INVS: variants seen among roughly 807,000 people sequenced by gnomAD.
INVS encodes inversin, also known as inversion of embryo turning homolog.
A neutral mutation model predicts 108.8 loss-of-function variants in INVS; 86 were observed. The ratio of observed to expected loss-of-function variants is 0.79; its 90% confidence interval spans 0.66 to 0.95. The LOEUF is 0.95. Ranked by LOEUF, INVS falls within the 40% of genes least tolerant of loss-of-function variation. INVS has a pLI of 0.00. For synonymous variants in INVS, 455 were observed against 473.5 expected (o/e 0.96, Z 0.51); for missense variants, 1,169 against 1,297.4 (o/e 0.90, Z 1.52).
chr9:100,202,091 A>C (rs570151626), intron 3 of INVS, among the ~76,000 whole-genome samples: 1 of 111,200 alleles, frequency 9.0e-6, no homozygotes, highest in South Asian at 2.3e-4. Context: ...TTATTACAAT[A>C]GTTTTTTTTT....
At chr9:100,260,695 C>T (rs1291024781) in intron 10 of INVS, among the ~76,000 whole-genome samples, 1 of 151,894 alleles carries the variant, frequency 6.6e-6, no homozygotes, top group Non-Finnish European at 1.5e-5. Context: ...AATTGAAGCT[C>T]ATGTAGTTTA....
chr9:100,178,653 A>G (rs1829788617), intron 3 of INVS, among the ~76,000 whole-genome samples: 1 of 152,228 alleles, frequency 6.6e-6, no homozygotes, highest in Non-Finnish European at 1.5e-5. Flanking sequence ...AAAAGACCAA[A>G]TCTATGTTTG....
At chr9:100,181,654 T>C (rs1400098817) in intron 3 of INVS, among the ~76,000 whole-genome samples, 1 of 152,152 alleles carries the variant, frequency 6.6e-6, no homozygotes, top group African/African-American at 2.4e-5. Flanking sequence ...TACTCATAGA[T>C]AGGAAGAATC....
At chr9:100,100,245 AAG>A (rs1301031556) in intron 1 of INVS, among the ~76,000 whole-genome samples, 8 of 151,886 alleles carry the variant, frequency 5.3e-5, no homozygotes, top group African/African-American at 1.9e-4. Flanking sequence ...AAGAAAAAAA[AAG>A]AGCCCTGCAT....
At chr9:100,148,616 ATAT>A (rs1444837891) in intron 3 of INVS, among the ~76,000 whole-genome samples, 1 of 152,230 alleles carries the variant, frequency 6.6e-6, no homozygotes, top group Non-Finnish European at 1.5e-5. Flanking sequence ...CATAAGTAAA[ATAT>A]TAGCACAGGA....
At chr9:100,287,998 A>G (rs1474001208) in intron 13 of INVS, among the ~76,000 whole-genome samples, 1 of 152,082 alleles carries the variant, frequency 6.6e-6, no homozygotes, top group Admixed American at 6.6e-5. Context: ...CACCCCCCAC[A>G]CCCAACAAAC....
In INVS at chr9:100,301,371, A is replaced by G. The variant is rs1833965603; in HGVS notation, c.*697A>G. Among the ~76,000 whole-genome samples, 1 of 152,182 alleles carries G rather than the reference A, an allele frequency of 6.6e-6. No individual in the cohort carries two copies. The highest frequency in any genetic ancestry group is 2.1e-4 in the South Asian group (1 of 4,826). ...CACGTCTTCACTGAATGGCTTTCTCAGTGCTGAATACCAACAGCCGTATTA... is the reference window on the plus strand; with the variant it reads ...CACGTCTTCACTGAATGGCTTTCTCGGTGCTGAATACCAACAGCCGTATTA... On this transcript the variant is annotated 3_prime_UTR_variant, in exon 17 of 17. Coordinates refer to ENST00000262457, the MANE Select transcript of INVS (RefSeq NM_014425.5).
intron 3 of INVS, among the ~76,000 whole-genome samples, chr9:100,129,128 T>G (rs1172671917): frequency 6.6e-6 from 1 of 151,414 alleles, no homozygotes; most frequent in Non-Finnish European, 1.5e-5. Flanking sequence ...CAGACCAGCC[T>G]GAACAACAAA....
chr9:100,276,063 AATT>A (rs1833104406), intron 12 of INVS, among the ~76,000 whole-genome samples: 3 of 152,076 alleles, frequency 2.0e-5, no homozygotes, highest in Admixed American at 2.0e-4. Flanking sequence ...ACATCTTTTA[AATT>A]ATTCCATCTC....
intron 5 of INVS, among the ~76,000 whole-genome samples, chr9:100,232,870 GT>G (rs1416077554): frequency 6.6e-6 from 1 of 152,026 alleles, no homozygotes; most frequent in Non-Finnish European, 1.5e-5. Context: ...ATTTAAAGTA[GT>G]TTTTTTCTAA....
In INVS at chr9:100,114,875, G is replaced by A. The variant is rs543221470; in HGVS notation, c.106+10248G>A. 2.6e-5 allele frequency among the ~76,000 whole-genome samples: 4 copies of A among 152,254 alleles called. No individual in the cohort carries two copies. The South Asian group carries it at 8.3e-4, about 32-fold the overall frequency. ...ACAATTGGGATGTTTCCAGTGTTTAGCAATTATGAATAATGCTGCCGTAAA... is the reference window on the plus strand; with the variant it reads ...ACAATTGGGATGTTTCCAGTGTTTAACAATTATGAATAATGCTGCCGTAAA... On this transcript the variant is annotated intron_variant, in intron 2 of 16. Transcript: ENST00000262457.
intron 3 of INVS, among the ~76,000 whole-genome samples, chr9:100,135,877 A>C (rs1337025746): frequency 2.0e-5 from 3 of 152,050 alleles, no homozygotes; most frequent in African/African-American, 7.2e-5. Context: ...GAAATAGAAA[A>C]CACCAATATT....
intron 2 of INVS, among the ~76,000 whole-genome samples, chr9:100,124,357 A>G (rs979771432): frequency 6.6e-6 from 1 of 152,012 alleles, no homozygotes; most frequent in African/African-American, 2.4e-5. Flanking sequence ...AATCACCTCT[A>G]CATAAACTGA....
At position 100,284,568 on chromosome 9, in the gene INVS, C is replaced by A. The variant is rs1833378291; in HGVS notation, c.2033C>A (p.Ser678Ter). 6.2e-7 allele frequency: 1 copy of A among 1,613,646 alleles called. No individual in the cohort carries two copies. The highest frequency in any genetic ancestry group is 1.1e-5 in the South Asian group (1 of 91,036). Residue 678 changes from serine (S) to a stop codon, truncating the protein, a stop_gained, in exon 13 of 17, where the codon TCA becomes TAA. Coordinates refer to ENST00000262457, the MANE Select transcript of INVS (RefSeq NM_014425.5). LOFTEE classifies it high-confidence loss of function. Reference protein sequence around the residue: ...GALQKEQHVSSDLQGTNSRRP... With the variant: ...GALQKEQHVS ...CTCCAGAAGGAGCAGCATGTTTCCTCAGATTTGCAGGGAACAAACTCCAGA... is the reference window on the plus strand; with the variant it reads ...CTCCAGAAGGAGCAGCATGTTTCCTAAGATTTGCAGGGAACAAACTCCAGA...
chr9:100,112,794 G>A (rs775778029), intron 2 of INVS, among the ~76,000 whole-genome samples: 3 of 152,140 alleles, frequency 2.0e-5, no homozygotes, highest in Admixed American at 6.5e-5. Flanking sequence ...GGATAAGCTC[G>A]AGTTAGGATT....
intron 8 of INVS, among the ~76,000 whole-genome samples, chr9:100,247,215 T>C (rs930810401): frequency 6.6e-6 from 1 of 152,240 alleles, no homozygotes; most frequent in Non-Finnish European, 1.5e-5. Flanking sequence ...TTTACTGTGC[T>C]CTTTTCTCAG....
intron 4 of INVS, among the ~76,000 whole-genome samples, chr9:100,226,835 ATCAG>A (rs1414843223): frequency 6.8e-6 from 1 of 147,266 alleles, no homozygotes; most frequent in African/African-American, 2.6e-5. Flanking sequence ...AAAAAAAAAA[ATCAG>A]TCCTGTCTTA....
intron 3 of INVS, among the ~76,000 whole-genome samples, chr9:100,220,121 C>T (rs1831100055): frequency 6.6e-6 from 1 of 151,982 alleles, no homozygotes; most frequent in African/African-American, 2.4e-5. Flanking sequence ...CATTAAATAG[C>T]TATGTGCTTT....
At chr9:100,169,581 T>C (rs923565144) in intron 3 of INVS, among the ~76,000 whole-genome samples, 9 of 152,226 alleles carry the variant, frequency 5.9e-5, no homozygotes, top group South Asian at 2.1e-4. Context: ...CCATTCTCTA[T>C]GTACAAATTA....
Sources: gnomAD v4.1 joint callset for allele counts (sites outside exome capture counted in the v4.1 genomes callset) on GRCh38, gnomAD v4.1.1 for gene constraint, MANE v1.5 for transcripts, NCBI Gene and HGNC (gene_info 2026-07-23, HGNC 2026-07-21) for gene names.